Variants in C9orf72 observed in about 807,000 individuals in gnomAD.
The protein encoded by C9orf72 is C9orf72-SMCR8 complex subunit, also known as guanine nucleotide exchange factor C9orf72.
A neutral mutation model predicts 51.6 loss-of-function variants in C9orf72; 44 were observed. The observed-to-expected ratio is 0.85, with a 90% confidence interval of 0.67 to 1.10. The LOEUF (loss-of-function observed/expected upper bound fraction) is 1.10, where lower values mean the gene tolerates loss of function less well. Among genes scored for constraint, C9orf72 ranks in the 50% least tolerant of loss-of-function variants. The pLI is 0.00. For synonymous variants in C9orf72, 213 were observed against 194.2 expected, an observed-to-expected ratio of 1.10 and a Z score of -0.81; for missense variants, 607 against 570.6, an observed-to-expected ratio of 1.06 and a Z score of -0.65.
At chr9:27,556,890 T>G in intron 7 of C9orf72, 94 bp from the exon 8 acceptor site, 1 of 825,050 alleles carries the variant, frequency 1.2e-6, no homozygotes, top group Admixed American at 2.4e-5. Context: ...ATTTAGCAAA[T>G]CCATCTCTAA....
chr9:27,558,662 G>T, intron 6 of C9orf72, 55 bp from the exon 7 acceptor site: 4 of 854,836 alleles, frequency 4.7e-6, no homozygotes, highest in Middle Eastern at 3.5e-4. Flanking sequence ...CCACTGATTT[G>T]CTTATGAAAG....
At chr9:27,569,239 A>C (rs1053476138) in intron 1 of C9orf72, among the ~76,000 whole-genome samples, 2 of 152,186 alleles carry the variant, frequency 1.3e-5, no homozygotes, top group East Asian at 3.8e-4. Context: ...AAAAGTTATA[A>C]TTTTTTATTG....
chr9:27,560,079 A>G, intron 6 of C9orf72, 148 bp downstream of exon 6: 1 of 434,948 alleles, frequency 2.3e-6, no homozygotes, highest in African/African-American at 2.0e-5. Context: ...CACTGTTGCC[A>G]CAAGGTGTCT....
intron 3 of C9orf72, among the ~76,000 whole-genome samples, 188 bp from the exon 4 acceptor site, chr9:27,562,664 ATTCT>A (rs905599742): frequency 6.7e-6 from 1 of 149,352 alleles, no homozygotes; most frequent in Non-Finnish European, 1.5e-5. Context: ...GCTCACTTTT[ATTCT>A]TTCTTTTCTT....
At chr9:27,552,096 G>GA (rs1303040436) in intron 8 of C9orf72, among the ~76,000 whole-genome samples, 1 of 152,146 alleles carries the variant, frequency 6.6e-6, no homozygotes, top group African/African-American at 2.4e-5. Context: ...CCTGCAAACA[G>GA]AAATAGTTTG....
intron 1 of C9orf72, among the ~76,000 whole-genome samples, chr9:27,573,108 C>T (rs1362064732): frequency 6.6e-6 from 1 of 152,176 alleles, no homozygotes; most frequent in Non-Finnish European, 1.5e-5. Flanking sequence ...TTTCTCGAGC[C>T]CGCAGCGGCA....
chr9:27,567,089 G>A lies in C9orf72; in HGVS notation c.32C>T (p.Ala11Val), dbSNP rs767044830. The A allele has an allele frequency of 6.2e-7, 1 of 1,613,576 alleles. No homozygotes were observed. The highest frequency in any genetic ancestry group is 1.1e-5 in the South Asian group (1 of 91,082). The change falls in exon 2 of 11, where the codon GCT becomes GTT. Residue 11 changes from alanine to valine, a missense_variant. Ala to Val is a moderately conservative substitution (Grantham distance 64, BLOSUM62 0). Transcript: ENST00000380003. ...TAAAGCAATCTCTGTCTTGGCAACA[G>A]CTGGAGATGGCGGTGGGCAAAGAGT... MSTLCPPPSP[A>V]VAKTEIALSG...
rs11292923 is a variant in C9orf72, at chr9:27,548,435, GAAAAAAAAAAAAAAA to G, written c.1260-28_1260-14del. ...TTTTCCCTTCTGCCTAAAAATAATG[GAAAAAAAAAAAAAAA>G]AAAAAAAAAAAGAAGCGCAAAAATT... On this transcript the variant is annotated splice_polypyrimidine_tract_variant and intron_variant, in intron 10 of 10. Transcript: ENST00000380003. 1.3e-4 allele frequency: 23 copies of G among 174,268 alleles called. No individual in the cohort carries two copies. Among genetic ancestry groups the G allele is most frequent in the Middle Eastern group, 1.7e-3 (1 of 588 alleles). 10.8% of individuals were successfully genotyped at this position (174,268 alleles called of 1,614,324 possible). A position where few individuals can be genotyped will look rare whatever the true frequency, so the allele number is the denominator to read the frequency against.
chr9:27,551,249 C>A (rs1051307049), intron 8 of C9orf72, among the ~76,000 whole-genome samples: 1 of 152,182 alleles, frequency 6.6e-6, no homozygotes, highest in African/African-American at 2.4e-5. Context: ...GTAACATGAA[C>A]CAACTATCCA....
At chr9:27,556,055 TAA>T (rs200609924) in intron 8 of C9orf72, among the ~76,000 whole-genome samples, 58 of 150,744 alleles carry the variant, frequency 3.8e-4, no homozygotes, top group African/African-American at 1.4e-3. Context: ...CTTTTTTTTT[TAA>T]AAAAAAATAA....
chr9:27,573,748 A>G (rs892757117), upstream of C9orf72: 1 of 152,314 alleles, frequency 6.6e-6, no homozygotes, highest in Admixed American at 6.5e-5. Context: ...CCCCGCCCCC[A>G]AAAGAGAAGC....
chr9:27,570,505 C>T (rs930617953), intron 1 of C9orf72, among the ~76,000 whole-genome samples: 3 of 151,998 alleles, frequency 2.0e-5, no homozygotes, highest in Admixed American at 6.6e-5. Context: ...TATAGGGAAA[C>T]TTTTACCACG....
Position 27,548,587 on chromosome 9 carries a change from A to G in C9orf72, c.1229T>C (p.Leu410Ser), listed in dbSNP as rs755216584. ...QFLLVLHRKALTLIKYIEDDT... is the reference protein window; with the variant it reads ...QFLLVLHRKASTLIKYIEDDT... ...GTCTTCTATATATTTTATTAGTGTCAAGGCTTTTCTGTGAAGGACAAGTAG... is the reference window on the plus strand; with the variant it reads ...GTCTTCTATATATTTTATTAGTGTCGAGGCTTTTCTGTGAAGGACAAGTAG... The change falls in exon 10 of 11, where the codon TTG becomes TCG. Residue 410 changes from leucine (L) to serine (S), a missense_variant. Physicochemically the swap from Leu to Ser is moderately radical, Grantham distance 145 (BLOSUM62 -2). Coordinates refer to ENST00000380003, the MANE Select transcript of C9orf72 (RefSeq NM_018325.5). 3 of 1,608,688 alleles carry G rather than the reference A, an allele frequency of 1.9e-6. No homozygotes were observed. Among genetic ancestry groups the G allele is most frequent in the South Asian group, 2.2e-5 (2 of 90,946 alleles).
In C9orf72 at chr9:27,561,658, C is replaced by A; in HGVS notation, c.601-9G>T. On this transcript the variant is annotated splice_polypyrimidine_tract_variant and intron_variant, in intron 4 of 10. Coordinates refer to ENST00000380003, the MANE Select transcript of C9orf72 (RefSeq NM_018325.5). ...AGTACTGTATCAGCTATCTAAAATG[C>A]ATCAAAAAATAAAAAAATTAGTCTG... 2 of 1,549,310 alleles carry A rather than the reference C, an allele frequency of 1.3e-6. No individual in the cohort carries two copies. The highest frequency in any genetic ancestry group is 1.8e-5 in the Admixed American group (1 of 55,276).
intron 5 of C9orf72, 32 bp from the exon 6 acceptor site, chr9:27,560,331 T>G (rs1819313056): frequency 1.1e-5 from 17 of 1,545,546 alleles, no homozygotes; most frequent in Non-Finnish European, 1.4e-5. Flanking sequence ...TTAAAAACAT[T>G]GCCTATAAAA....
intron 8 of C9orf72, among the ~76,000 whole-genome samples, chr9:27,553,317 T>G (rs1820946073): frequency 6.6e-6 from 1 of 152,162 alleles, no homozygotes; most frequent in African/African-American, 2.4e-5. Flanking sequence ...GATTTTATAC[T>G]AAAAGGCTAT....
At chr9:27,548,713 C>G in intron 9 of C9orf72, 47 bp from the exon 10 acceptor site, 1 of 1,083,286 alleles carries the variant, frequency 9.2e-7, no homozygotes, top group Non-Finnish European at 1.4e-6. Flanking sequence ...TCACATTCTA[C>G]TCGTACAGAA....
intron 8 of C9orf72, among the ~76,000 whole-genome samples, chr9:27,555,143 T>C (rs1362874987): frequency 6.6e-6 from 1 of 152,172 alleles, no homozygotes; most frequent in Non-Finnish European, 1.5e-5. Context: ...ACAGATTAAT[T>C]AGAAAACTTC....
chr9:27,555,132 C>T (rs1219370180), intron 8 of C9orf72, among the ~76,000 whole-genome samples: 1 of 152,090 alleles, frequency 6.6e-6, no homozygotes, highest in African/African-American at 2.4e-5. Context: ...TGTTTCAAGG[C>T]ACAGATTAAT....
Sources: allele counts gnomAD v4.1 joint callset (sites outside exome capture counted in the v4.1 genomes callset), GRCh38; gene constraint gnomAD v4.1.1; transcripts MANE v1.5; gene names NCBI Gene and HGNC (gene_info 2026-07-23, HGNC 2026-07-21).